Variants in LIMA1 observed in about 807,000 individuals in gnomAD.
LIMA1 encodes LIM domain and actin binding 1.
LIMA1 carries 52 observed loss-of-function variants against 62.6 expected under a neutral mutation model. The ratio of observed to expected loss-of-function variants is 0.83; its 90% confidence interval spans 0.67 to 1.05. The LOEUF (loss-of-function observed/expected upper bound fraction) is 1.05, where lower values mean the gene tolerates loss of function less well. Ranked by LOEUF, LIMA1 falls within the 50% of genes least tolerant of loss-of-function variation. The pLI is 0.00. For synonymous variants in LIMA1, 302 were observed against 317.8 expected (o/e 0.95, Z 0.53); for missense variants, 780 against 902.2 (o/e 0.86, Z 1.74).
chr12:50,269,061 A>G (rs751353004), intron 1 of LIMA1, among the ~76,000 whole-genome samples: 1 of 152,112 alleles, frequency 6.6e-6, no homozygotes, highest in Non-Finnish European at 1.5e-5. Flanking sequence ...AGTCTACCAC[A>G]CACTTACTGG....
At chr12:50,191,370 A>AC (rs1380395612) in intron 9 of LIMA1, 3 of 150,942 alleles carry the variant, frequency 2.0e-5, no homozygotes, top group African/African-American at 7.3e-5. Flanking sequence ...TTAAAAAAAA[A>AC]AAAAAAAAAG....
At position 50,176,988 on chromosome 12, in the gene LIMA1, G is replaced by A; in HGVS notation, c.*76C>T. Reference sequence around the variant, plus strand: ...ATTTCATGCTGGGATACCTGCTTATGTGCATCACATTTTGACAAAGGGCAG... The same window carrying A: ...ATTTCATGCTGGGATACCTGCTTATATGCATCACATTTTGACAAAGGGCAG... On this transcript the variant is annotated 3_prime_UTR_variant, in exon 11 of 11. Coordinates refer to ENST00000341247, the MANE Select transcript of LIMA1 (RefSeq NM_016357.5). The A allele has an allele frequency of 3.5e-6, 4 of 1,142,298 alleles. No individual in the cohort carries two copies. The highest frequency in any genetic ancestry group is 2.8e-5 in the Admixed American group (1 of 36,212). 70.8% of individuals were successfully genotyped at this position (1,142,298 alleles called of 1,614,324 possible). A position where few individuals can be genotyped will look rare whatever the true frequency, so the allele number is the denominator to read the frequency against.
At chr12:50,270,260 G>T (rs1467721469) in intron 1 of LIMA1, among the ~76,000 whole-genome samples, 1 of 128,350 alleles carries the variant, frequency 7.8e-6, no homozygotes, top group Non-Finnish European at 1.6e-5. Context: ...AAAAAAAAAA[G>T]GGATAAAATT....
At chr12:50,205,624 T>C (rs1941136899) in intron 5 of LIMA1, among the ~76,000 whole-genome samples, 1 of 151,980 alleles carries the variant, frequency 6.6e-6, no homozygotes, top group Non-Finnish European at 1.5e-5. Flanking sequence ...AAACCCCAGA[T>C]GACTGGAGGC....
intron 3 of LIMA1, among the ~76,000 whole-genome samples, chr12:50,228,889 T>G (rs1489500987): frequency 2.6e-5 from 4 of 152,210 alleles, no homozygotes; most frequent in Non-Finnish European, 1.5e-5. Flanking sequence ...ATTCTTTTAT[T>G]TTTTACTTTT....
At chr12:50,211,036 G>A (rs556853097) in intron 4 of LIMA1, among the ~76,000 whole-genome samples, 2 of 151,954 alleles carry the variant, frequency 1.3e-5, no homozygotes, top group Non-Finnish European at 2.9e-5. Flanking sequence ...GAATAACAAG[G>A]CTTGGCTGGG....
chr12:50,232,743 T>C (rs1464167232), intron 2 of LIMA1, among the ~76,000 whole-genome samples: 1 of 152,184 alleles, frequency 6.6e-6, no homozygotes, highest in Non-Finnish European at 1.5e-5. Flanking sequence ...ATCCCAGCAC[T>C]TCAGAGGCCG....
At chr12:50,252,489 G>C (rs1196860460) in intron 1 of LIMA1, among the ~76,000 whole-genome samples, 1 of 149,566 alleles carries the variant, frequency 6.7e-6, no homozygotes, top group Non-Finnish European at 1.5e-5. Context: ...GCTGAGGCAA[G>C]AGACTCTCTC....
intron 1 of LIMA1, among the ~76,000 whole-genome samples, chr12:50,275,420 A>G (rs939143478): frequency 3.9e-5 from 6 of 152,134 alleles, no homozygotes; most frequent in African/African-American, 1.4e-4. Context: ...AATGGCCACA[A>G]AATGAAAAGG....
In LIMA1 at chr12:50,222,342, A is replaced by G. The variant is rs781758637; in HGVS notation, c.309T>C (p.His103=). The G allele has an allele frequency of 2.1e-5, 34 of 1,613,884 alleles. No homozygotes were observed. Among genetic ancestry groups the G allele is most frequent in the Non-Finnish European group, 2.9e-5 (34 of 1,179,998 alleles). Residue 103 remains histidine (H), a synonymous_variant, in exon 4 of 11, where the codon CAT becomes CAC. Transcript: ENST00000341247. The part of the protein sequence containing the change: ...SSTEIRHRAD[H]PPAEVTSHAA... The stretch of plus-strand genomic sequence containing the variant: ...CGTGGCTTGTCACTTCAGCAGGAGG[A>G]TGGTCTGCTCTGTGCCTAATCTCAG...
intron 6 of LIMA1, among the ~76,000 whole-genome samples, chr12:50,202,941 T>C (rs1255427453): frequency 6.6e-6 from 1 of 152,108 alleles, no homozygotes; most frequent in African/African-American, 2.4e-5. Flanking sequence ...AATATGTGTG[T>C]GTACATTTGT....
chr12:50,192,714 C>A, intron 8 of LIMA1, 153 bp from the exon 9 acceptor site: 1 of 624,550 alleles, frequency 1.6e-6, no homozygotes, highest in South Asian at 1.9e-5. Context: ...AATATTCGAA[C>A]ACTAACAACT....
Position 50,248,881 on chromosome 12 carries a change from C to A in LIMA1, c.-23-107G>T, listed in dbSNP as rs1376475836. 4 of 668,900 alleles carry A rather than the reference C, an allele frequency of 6.0e-6. No individual in the cohort carries two copies. In the Admixed American group the frequency reaches 9.3e-5, roughly 16 times the overall value. 41.4% of individuals were successfully genotyped at this position (668,900 alleles called of 1,614,324 possible). A position where few individuals can be genotyped will look rare whatever the true frequency, so the allele number is the denominator to read the frequency against. ...CCTAAACTTGCAGACCACACTCCTC[C>A]ACTGTTCTCCCCCAAACTGTGTAAC... is the stretch of plus-strand genomic sequence containing the variant. On this transcript the variant is annotated intron_variant, in intron 1 of 10. Coordinates refer to ENST00000341247, the MANE Select transcript of LIMA1 (RefSeq NM_016357.5).
intron 1 of LIMA1, among the ~76,000 whole-genome samples, chr12:50,279,803 C>T (rs559221956): frequency 6.6e-6 from 1 of 152,148 alleles, no homozygotes; most frequent in East Asian, 1.9e-4. Context: ...TGCTCAGACG[C>T]CAAAGCTGAG....
chr12:50,197,204 G>A (rs961336684), intron 7 of LIMA1, among the ~76,000 whole-genome samples: 1 of 151,436 alleles, frequency 6.6e-6, no homozygotes, highest in Non-Finnish European at 1.5e-5. Context: ...CCGAGTAGCT[G>A]GGATTACAGG....
At chr12:50,220,904 T>C (rs1344247609) in intron 4 of LIMA1, among the ~76,000 whole-genome samples, 1 of 152,192 alleles carries the variant, frequency 6.6e-6, no homozygotes, top group Non-Finnish European at 1.5e-5. Context: ...AGAGAAGTGT[T>C]GTAGCTTTAC....
At chr12:50,275,068 G>A (rs1465601858) in intron 1 of LIMA1, among the ~76,000 whole-genome samples, 2 of 152,080 alleles carry the variant, frequency 1.3e-5, no homozygotes, top group African/African-American at 4.8e-5. Flanking sequence ...TACTAAATGA[G>A]TACTTTGGCC....
chr12:50,232,282 A>T (rs10876013), intron 2 of LIMA1, among the ~76,000 whole-genome samples: 48,622 of 150,860 alleles, frequency 0.32, 8,084 homozygotes, highest in South Asian at 0.48. Flanking sequence ...GGCTGGTCTC[A>T]AACTCCTGAG....
In LIMA1 at chr12:50,192,576, A is replaced by G. The variant is rs759313298; in HGVS notation, c.1031-15T>C. The G allele has an allele frequency of 6.3e-7, 1 of 1,574,910 alleles. No homozygotes were observed. Among genetic ancestry groups the G allele is most frequent in the South Asian group, 1.1e-5 (1 of 90,250 alleles). Reference sequence around the variant, plus strand: ...CTGGGAGTCACCTGCTTGAGTTACAAAAGGAAGACATTTTACAGTATCTCA... The same window carrying G: ...CTGGGAGTCACCTGCTTGAGTTACAGAAGGAAGACATTTTACAGTATCTCA... On this transcript the variant is annotated splice_polypyrimidine_tract_variant and intron_variant, in intron 8 of 10. Transcript: ENST00000341247.
Sources: gnomAD v4.1 joint callset for allele counts (sites outside exome capture counted in the v4.1 genomes callset) on GRCh38, gnomAD v4.1.1 for gene constraint, MANE v1.5 for transcripts, NCBI Gene and HGNC (gene_info 2026-07-23, HGNC 2026-07-21) for gene names.